Variants in TRIM23 observed in about 807,000 individuals in gnomAD.
The protein encoded by TRIM23 is E3 ubiquitin-protein ligase TRIM23.
TRIM23 carries 27 observed loss-of-function variants against 71.0 expected under a neutral mutation model. That is an observed-to-expected ratio of 0.38 (90% confidence interval 0.28 to 0.52). The LOEUF is 0.52. Ranked by LOEUF, TRIM23 falls within the 20% of genes least tolerant of loss-of-function variation. The pLI is 0.84. For synonymous variants in TRIM23, 234 were observed against 238.0 expected, an observed-to-expected ratio of 0.98 and a Z score of 0.16; for missense variants, 482 against 692.3, an observed-to-expected ratio of 0.70 and a Z score of 3.41.
rs1754248994 is a variant in TRIM23 at position 65,597,839 on chromosome 5, C to T, written c.1180-659G>A. On this transcript the variant is annotated intron_variant, in intron 7 of 10. Coordinates refer to ENST00000231524, the MANE Select transcript of TRIM23 (RefSeq NM_001656.4). ...CTATAATGAACATTTTTATATATTA[C>T]TAGCTGCATGATTTCTCTGCTTCAC... Among the ~76,000 whole-genome samples, 5 of 152,196 alleles carry T rather than the reference C, an allele frequency of 3.3e-5. No homozygotes were observed. The South Asian group carries it at 8.3e-4, about 25-fold the overall frequency.
At chr5:65,597,310 C>T in intron 7 of TRIM23, 130 bp from the exon 8 acceptor site, 2 of 1,000,444 alleles carry the variant, frequency 2.0e-6, no homozygotes, top group Non-Finnish European at 2.9e-6. Context: ...CCTCAAAATA[C>T]TGAGTCTGAT....
At chr5:65,614,702 T>C (rs962498874) in intron 2 of TRIM23, among the ~76,000 whole-genome samples, 7 of 141,564 alleles carry the variant, frequency 4.9e-5, no homozygotes, top group African/African-American at 1.9e-4. Context: ...ACCACTGCAC[T>C]CCAATCTGGA....
At chr5:65,606,464 C>T (rs982850899) in intron 6 of TRIM23, among the ~76,000 whole-genome samples, 64 of 128,546 alleles carry the variant, frequency 5.0e-4, no homozygotes, top group Non-Finnish European at 8.9e-4. Flanking sequence ...CTCCCGCCCC[C>T]GGCCAAAAAA....
chr5:65,590,290 C>T lies in TRIM23; in HGVS notation c.*1479G>A. On this transcript the variant is annotated 3_prime_UTR_variant, in exon 11 of 11. Transcript: ENST00000231524. Reference sequence around the variant, plus strand: ...TGCACACAAACTACACCTGTAACAGCATGACCTTTTACCTGAAAAATAAAG... The same window carrying T: ...TGCACACAAACTACACCTGTAACAGTATGACCTTTTACCTGAAAAATAAAG... The T allele has an allele frequency of 1.5e-6, 2 of 1,368,856 alleles. No homozygotes were observed. The highest frequency in any genetic ancestry group is 2.0e-6 in the Non-Finnish European group (2 of 978,628). The allele number at this position is 1,368,856 out of a possible 1,614,324, so 84.8% of individuals were successfully genotyped here.
intron 1 of TRIM23, among the ~76,000 whole-genome samples, chr5:65,621,651 C>A (rs468406): frequency 0.3 from 45,609 of 151,652 alleles, 7,166 homozygotes; most frequent in African/African-American, 0.37. Context: ...AATAATACAG[C>A]AAGAAAATAT....
intron 6 of TRIM23, among the ~76,000 whole-genome samples, chr5:65,606,636 C>T (rs1754515025): frequency 6.6e-6 from 1 of 152,188 alleles, no homozygotes. Flanking sequence ...AGGCATGCTG[C>T]CCTAGGGTTT....
intron 10 of TRIM23, among the ~76,000 whole-genome samples, chr5:65,593,796 C>T (rs1390958151): frequency 6.6e-6 from 1 of 152,188 alleles, no homozygotes; most frequent in East Asian, 1.9e-4. Context: ...CCTTTCTATT[C>T]CTCTAATTCA....
At chr5:65,597,435 CAAAT>C (rs1380740996) in intron 7 of TRIM23, among the ~76,000 whole-genome samples, 1 of 152,074 alleles carries the variant, frequency 6.6e-6, no homozygotes, top group Non-Finnish European at 1.5e-5. Context: ...TTTTCTAACT[CAAAT>C]GAATCCTCTA....
intron 8 of TRIM23, 124 bp downstream of exon 8, chr5:65,596,927 T>A: frequency 1.7e-6 from 2 of 1,210,324 alleles, no homozygotes; most frequent in South Asian, 1.6e-5. Context: ...TTCTCTGAGA[T>A]GCTGATATCT....
chr5:65,602,273 A>C (rs1754382929), intron 7 of TRIM23, among the ~76,000 whole-genome samples: 1 of 152,128 alleles, frequency 6.6e-6, no homozygotes, highest in East Asian at 1.9e-4. Context: ...CACCTCTCTC[A>C]AGTTTGAAGT....
intron 5 of TRIM23, 130 bp from the exon 6 acceptor site, chr5:65,609,588 G>T: frequency 1.1e-6 from 1 of 936,696 alleles, no homozygotes; most frequent in Non-Finnish European, 1.6e-6. Context: ...AAATTAGCCA[G>T]CCGTGGTGGC....
Position 65,591,659 on chromosome 5 carries a change from A to C in TRIM23, c.*110T>G, listed in dbSNP as rs1159642080. The C allele has an allele frequency of 6.1e-6, 6 of 981,404 alleles. No individual in the cohort carries two copies. Among genetic ancestry groups the C allele is most frequent in the Non-Finnish European group, 8.2e-6 (6 of 733,604 alleles). 60.8% of individuals were successfully genotyped at this position (981,404 alleles called of 1,614,324 possible). On this transcript the variant is annotated 3_prime_UTR_variant, in exon 11 of 11. Coordinates refer to ENST00000231524, the MANE Select transcript of TRIM23 (RefSeq NM_001656.4). ...CCAAGATTCCTTTATATATATATAT[A>C]TATATATGCATCCTAAATTACCATC...
At chr5:65,619,793 AAATTAAAGCT>A (rs1451017255) in intron 1 of TRIM23, among the ~76,000 whole-genome samples, 2 of 152,220 alleles carry the variant, frequency 1.3e-5, no homozygotes, top group African/African-American at 4.8e-5. Context: ...AGAAAAATGC[AAATTAAAGCT>A]AGGCATGGTG....
At position 65,597,070 on chromosome 5, in the gene TRIM23, CAT is replaced by C; in HGVS notation, c.1288_1289del (p.Met430AlafsTer9). On this transcript the variant is annotated frameshift_variant, in exon 8 of 11. Coordinates refer to ENST00000231524, the MANE Select transcript of TRIM23 (RefSeq NM_001656.4). LOFTEE classifies it high-confidence loss of function. ...ILFKLKQDEF[M>X]QPIPTIGFNV... ...ACTTACCAATTGTTGGAATGGGCTGCATGAATTCATCCTGTTTTAACTTAAAC... is the reference window on the plus strand; with the variant it reads ...ACTTACCAATTGTTGGAATGGGCTGCGAATTCATCCTGTTTTAACTTAAAC... 1 of 1,614,094 alleles carries C rather than the reference CAT, an allele frequency of 6.2e-7. No individual in the cohort carries two copies. Among genetic ancestry groups the C allele is most frequent in the South Asian group, 1.1e-5 (1 of 91,080 alleles).
chr5:65,611,049 A>C lies in TRIM23; in HGVS notation c.646-6T>G. 1.2e-6 allele frequency: 2 copies of C among 1,601,956 alleles called. No individual in the cohort carries two copies. The highest frequency in any genetic ancestry group is 2.3e-5 in the South Asian group (2 of 88,104). ...TCTGGTTCCAATACTGAATGCTATA[A>C]AATGTACCATAATTAGAGAAAAGAA... On this transcript the variant is annotated splice_polypyrimidine_tract_variant and splice_region_variant and intron_variant, in intron 4 of 10. Coordinates refer to ENST00000231524, the MANE Select transcript of TRIM23 (RefSeq NM_001656.4).
intron 10 of TRIM23, among the ~76,000 whole-genome samples, chr5:65,593,133 A>G (rs922689750): frequency 1.3e-5 from 2 of 152,116 alleles, no homozygotes; most frequent in Non-Finnish European, 2.9e-5. Context: ...GTCTCAGTTT[A>G]ATAACCCACG....
Position 65,590,380 on chromosome 5 carries a change from C to A in TRIM23, c.*1389G>T. 2.8e-6 allele frequency: 4 copies of A among 1,426,352 alleles called. No individual in the cohort carries two copies. Among genetic ancestry groups the A allele is most frequent in the East Asian group, 2.6e-5 (1 of 38,712 alleles). 88.4% of individuals were successfully genotyped at this position (1,426,352 alleles called of 1,614,324 possible). A position where few individuals can be genotyped will look rare whatever the true frequency, so the allele number is the denominator to read the frequency against. On this transcript the variant is annotated 3_prime_UTR_variant, in exon 11 of 11. Coordinates refer to ENST00000231524, the MANE Select transcript of TRIM23 (RefSeq NM_001656.4). ...ATACTGATAGGCTTTTTTTTTAATG[C>A]TTTGTTTTCTAAAACTTGTATTGTT...
chr5:65,610,893 C>T lies in TRIM23; in HGVS notation c.796G>A (p.Glu266Lys), dbSNP rs1409943760. 6.2e-7 allele frequency: 1 copy of T among 1,611,298 alleles called. No individual in the cohort carries two copies. Among genetic ancestry groups the T allele is most frequent in the African/African-American group, 1.3e-5 (1 of 74,768 alleles). The change falls in exon 5 of 11, where the codon GAA (glutamate) becomes AAA (lysine). Residue 266 changes from glutamate to lysine, a missense_variant. Around this residue, in one of 2 missense-constraint regions of TRIM23, gnomAD observed 307 missense variants for 495.8 expected, o/e 0.62. Transcript: ENST00000231524. ...GTGTGAGCCATTCCAATTCCATCTTCCACGATTTGTTCTCCTCCTTCAATG... is the reference window on the plus strand; with the variant it reads ...GTGTGAGCCATTCCAATTCCATCTTTCACGATTTGTTCTCCTCCTTCAATG... ...QHIEGGEQIVEDGIGMAHTEH... is the reference protein window; with the variant it reads ...QHIEGGEQIVKDGIGMAHTEH...
In TRIM23 at chr5:65,590,088, T is replaced by C. The variant is rs1010776701; in HGVS notation, c.*1681A>G. On this transcript the variant is annotated 3_prime_UTR_variant, in exon 11 of 11. Transcript: ENST00000231524. The stretch of plus-strand genomic sequence containing the variant: ...TTCAGTTATATGCTAAGAATGTGCA[T>C]TACAAAGTTTAGCAAAATTAGTGAA... 1.7e-5 allele frequency: 7 copies of C among 421,192 alleles called. No homozygotes were observed. Among genetic ancestry groups the C allele is most frequent in the South Asian group, 6.0e-5 (1 of 16,734 alleles). 26.1% of individuals were successfully genotyped at this position (421,192 alleles called of 1,614,324 possible). A position where few individuals can be genotyped will look rare whatever the true frequency, so the allele number is the denominator to read the frequency against.
Sources: allele counts gnomAD v4.1 joint callset (sites outside exome capture counted in the v4.1 genomes callset), GRCh38; gene constraint gnomAD v4.1.1; regional missense constraint gnomAD v4.1.1; transcripts MANE v1.5; gene names NCBI Gene and HGNC (gene_info 2026-07-23, HGNC 2026-07-21).